CADM1: variants seen among roughly 807,000 people sequenced by gnomAD.
CADM1 encodes TSLC-1.
In CADM1, 15 loss-of-function variants were observed where a neutral mutation model predicts 53.1. The observed-to-expected ratio is 0.28, with a 90% confidence interval of 0.19 to 0.44. The LOEUF is 0.44. Ranked by LOEUF, CADM1 falls within the 20% of genes least tolerant of loss-of-function variation. The pLI is 1.00. For missense variants in CADM1, 434 were observed against 611.3 expected, an observed-to-expected ratio of 0.71 and a Z score of 3.06; for synonymous variants, 281 against 243.0, an observed-to-expected ratio of 1.16 and a Z score of -1.45.
chr11:115,476,811 C>G (rs1167555098), intron 1 of CADM1, among the ~76,000 whole-genome samples: 1 of 152,160 alleles, frequency 6.6e-6, no homozygotes, highest in East Asian at 1.9e-4. Flanking sequence ...ACTATGCCAG[C>G]AAACAAGCCA....
chr11:115,413,856 G>T (rs946091839), intron 1 of CADM1, among the ~76,000 whole-genome samples: 7 of 151,848 alleles, frequency 4.6e-5, no homozygotes, highest in African/African-American at 1.7e-4. Context: ...TGTTGGCCAG[G>T]CTGGCCTCAA....
chr11:115,367,235 C>A (rs1320160077), intron 1 of CADM1, among the ~76,000 whole-genome samples: 1 of 152,190 alleles, frequency 6.6e-6, no homozygotes, highest in African/African-American at 2.4e-5. Context: ...TAAAAATAAT[C>A]ATCATATATG....
At chr11:115,213,824 T>C (rs900019729) in intron 7 of CADM1, among the ~76,000 whole-genome samples, 2 of 152,222 alleles carry the variant, frequency 1.3e-5, no homozygotes, top group Non-Finnish European at 2.9e-5. Flanking sequence ...TGGCTATTTT[T>C]TGGCATATGA....
intron 1 of CADM1, among the ~76,000 whole-genome samples, chr11:115,251,548 T>A (rs889561446): frequency 6.6e-6 from 1 of 152,152 alleles, no homozygotes; most frequent in Non-Finnish European, 1.5e-5. Context: ...TGTAAATCCA[T>A]GATAATCATC....
chr11:115,395,671 C>T (rs1056934764), intron 1 of CADM1, among the ~76,000 whole-genome samples: 1 of 152,150 alleles, frequency 6.6e-6, no homozygotes, highest in Non-Finnish European at 1.5e-5. Context: ...TGTGAACTTG[C>T]TTAACCTTGC....
At chr11:115,255,144 T>C (rs1384811661) in intron 1 of CADM1, among the ~76,000 whole-genome samples, 4 of 152,260 alleles carry the variant, frequency 2.6e-5, no homozygotes, top group Admixed American at 2.6e-4. Flanking sequence ...TTGGCATCAG[T>C]GTTCCCCTTT....
chr11:115,259,620 T>C (rs989641956), intron 1 of CADM1, among the ~76,000 whole-genome samples: 2 of 152,074 alleles, frequency 1.3e-5, no homozygotes, highest in Admixed American at 6.6e-5. Flanking sequence ...TTTTGTTTTT[T>C]TTAAAGGAAA....
chr11:115,189,490 C>A (rs1306876805), intron 10 of CADM1, among the ~76,000 whole-genome samples: 4 of 152,138 alleles, frequency 2.6e-5, no homozygotes, highest in Admixed American at 2.0e-4. Context: ...TACGGTCAAC[C>A]AGAACTGAGA....
At chr11:115,179,156 T>C in intron 10 of CADM1, 3 of 313,536 alleles carry the variant, frequency 9.6e-6, no homozygotes, top group Non-Finnish European at 1.3e-5. Context: ...AATGACACCT[T>C]TAGGCAACAG....
chr11:115,263,343 T>C (rs1056932594), intron 1 of CADM1, among the ~76,000 whole-genome samples: 1 of 152,234 alleles, frequency 6.6e-6, no homozygotes, highest in Admixed American at 6.5e-5. Context: ...TTTGTAGATA[T>C]ATGTGTATGT....
chr11:115,484,993 G>A (rs1245777354), intron 1 of CADM1, among the ~76,000 whole-genome samples: 2 of 151,574 alleles, frequency 1.3e-5, no homozygotes, highest in Non-Finnish European at 2.9e-5. Flanking sequence ...ATCTTGTTCC[G>A]GTGTTGCCAT....
intron 10 of CADM1, among the ~76,000 whole-genome samples, chr11:115,183,497 CAGA>C (rs1321425670): frequency 2.0e-5 from 3 of 152,198 alleles, no homozygotes; most frequent in Admixed American, 2.0e-4. Flanking sequence ...GGGACTTTGG[CAGA>C]AGGACTCACT....
At chr11:115,249,968 G>C (rs1416173521) in intron 1 of CADM1, among the ~76,000 whole-genome samples, 1 of 117,918 alleles carries the variant, frequency 8.5e-6, no homozygotes, top group African/African-American at 2.6e-5. Flanking sequence ...GCAGTAGTGC[G>C]ATCTCGGCTC....
chr11:115,471,422 A>C (rs934153812), intron 1 of CADM1, among the ~76,000 whole-genome samples: 1 of 152,228 alleles, frequency 6.6e-6, no homozygotes, highest in Non-Finnish European at 1.5e-5. Flanking sequence ...GAAGTGACTA[A>C]GAAAAGGAGA....
chr11:115,464,157 T>TGAACA (rs1332696353), intron 1 of CADM1, among the ~76,000 whole-genome samples: 3 of 152,110 alleles, frequency 2.0e-5, no homozygotes, highest in African/African-American at 4.8e-5. Context: ...CTTATTTCAC[T>TGAACA]GAACAAAACA....
rs376467065 is a variant in CADM1, at chr11:115,243,455, T to C, written c.125-3035A>G. 2.0e-5 allele frequency among the ~76,000 whole-genome samples: 3 copies of C among 152,158 alleles called. No homozygotes were observed. The East Asian group carries it at 5.8e-4, about 29-fold the overall frequency. ...CTGTAAATATCACCAATAAATTATA[T>C]GGGTCAGCTGGACGGCAGTTATGTT... On this transcript the variant is annotated intron_variant, in intron 1 of 11. Transcript: ENST00000331581.
intron 9 of CADM1, among the ~76,000 whole-genome samples, chr11:115,196,480 T>C (rs374697033): frequency 6.6e-6 from 1 of 152,070 alleles, no homozygotes; most frequent in East Asian, 1.9e-4. Context: ...AATTTAGGAA[T>C]TGTATGGTTA....
chr11:115,498,590 G>T lies in CADM1; in HGVS notation c.124+5681C>A, dbSNP rs12274736. Among the ~76,000 whole-genome samples, 780 of 152,246 alleles carry T rather than the reference G, an allele frequency of 5.1e-3. 5 individuals carry two copies. The highest frequency in any genetic ancestry group is 0.018 in the African/African-American group (749 of 41,524). On this transcript the variant is annotated intron_variant, in intron 1 of 11. Coordinates refer to ENST00000331581, the MANE Select transcript of CADM1 (RefSeq NM_001301043.2). ...CACAACAATAAAACTCATCTTATCC[G>T]ATCCAAACAAAACCTTGCTCAAAAT...
intron 1 of CADM1, among the ~76,000 whole-genome samples, chr11:115,247,321 A>G (rs1378729206): frequency 6.6e-6 from 1 of 152,172 alleles, no homozygotes; most frequent in Non-Finnish European, 1.5e-5. Context: ...CATTCATCCT[A>G]ACATCTCCTT....
Sources: gnomAD v4.1 joint callset for allele counts (sites outside exome capture counted in the v4.1 genomes callset) on GRCh38, gnomAD v4.1.1 for gene constraint, MANE v1.5 for transcripts, NCBI Gene and HGNC (gene_info 2026-07-23, HGNC 2026-07-21) for gene names.